The following BPIFA1 variants were observed in gnomAD, a reference collection of about 807,000 sequenced individuals.
BPIFA1 encodes BPI fold-containing family A member 1.
BPIFA1 carries 24 observed loss-of-function variants against 25.1 expected under a neutral mutation model. The ratio of observed to expected loss-of-function variants is 0.96; its 90% CI spans 0.69 to 1.35. The LOEUF is 1.35. Ranked by LOEUF, BPIFA1 falls within the 40% of genes most tolerant of loss-of-function variation. BPIFA1 has a pLI of 0.00. For missense variants in BPIFA1, 344 were observed against 303.7 expected, an observed-to-expected ratio of 1.13 and a Z score of -0.99; for synonymous variants, 139 against 131.8, an observed-to-expected ratio of 1.05 and a Z score of -0.37.
At chr20:33,240,601 T>G (rs963000314) in intron 5 of BPIFA1, among the ~76,000 whole-genome samples, 5 of 151,060 alleles carry the variant, frequency 3.3e-5, no homozygotes, top group Admixed American at 3.3e-4. Flanking sequence ...GATGGTTGGG[T>G]TGATGGAGAG....
chr20:33,237,581 G>A (rs374205440), intron 1 of BPIFA1, 116 bp from the exon 2 acceptor site: 3 of 765,918 alleles, frequency 3.9e-6, no homozygotes, highest in Non-Finnish European at 5.7e-6. Context: ...GCTATTACTA[G>A]TGACCCCCTG....
At chr20:33,240,052 T>C (rs1978884064) in intron 4 of BPIFA1, 142 bp downstream of exon 4, 1 of 1,322,702 alleles carries the variant, frequency 7.6e-7, no homozygotes, top group Non-Finnish European at 1.1e-6. Flanking sequence ...TAAGTGGCCT[T>C]GGGTCACTTG....
At position 33,238,067 on chromosome 20, in the gene BPIFA1, G is replaced by A. The variant is rs1273824728; in HGVS notation, c.173G>A (p.Gly58Asp). Residue 58 changes from glycine to aspartate, a missense_variant, in exon 3 of 9, where the codon GGC (glycine) becomes GAC (aspartate). Gly to Asp is a moderately conservative substitution (Grantham distance 94). Coordinates refer to ENST00000354297, the MANE Select transcript of BPIFA1 (RefSeq NM_130852.3). ...CACCCATTTCCAGCCCTCAGCAATG[G>A]CCTGCTGTCTGGGGGCCTGTTGGGC... ...AGSLTNALSNGLLSGGLLGIL... is the reference protein window; with the variant it reads ...AGSLTNALSNDLLSGGLLGIL... 1.2e-6 allele frequency: 2 copies of A among 1,613,456 alleles called. No homozygotes were observed. Among genetic ancestry groups the A allele is most frequent in the Non-Finnish European group, 1.7e-6 (2 of 1,179,766 alleles).
intron 2 of BPIFA1, 82 bp from the exon 3 acceptor site, chr20:33,237,973 G>C: frequency 6.5e-7 from 1 of 1,543,708 alleles, no homozygotes; most frequent in South Asian, 1.2e-5. Flanking sequence ...AAGTGGGGAG[G>C]GACAGGGCTG....
chr20:33,239,695 G>A, intron 3 of BPIFA1, 108 bp from the exon 4 acceptor site: 1 of 1,083,160 alleles, frequency 9.2e-7, no homozygotes, highest in Non-Finnish European at 1.4e-6. Context: ...TCCCTATCCT[G>A]GGTGGGAAGC....
At chr20:33,242,173 C>CTG in intron 7 of BPIFA1, 54 bp downstream of exon 7, 1 of 1,578,830 alleles carries the variant, frequency 6.3e-7, no homozygotes, top group South Asian at 1.1e-5. Flanking sequence ...AGCAACTTCC[C>CTG]CCAAGGAGTT....
Position 33,237,726 on chromosome 20 carries a change from G to C in BPIFA1, c.15G>C (p.Gly5=). The change falls in exon 2 of 9, where the codon GGG becomes GGC. Residue 5 remains glycine, a synonymous_variant. Coordinates refer to ENST00000354297, the MANE Select transcript of BPIFA1 (RefSeq NM_130852.3). MFQT[G]GLIVFYGLLA... ...TAAGAGCAAAGATGTTTCAAACTGG[G>C]GGCCTCATTGTCTTCTACGGGCTGT... 6.8e-7 allele frequency: 1 copy of C among 1,460,544 alleles called. No individual in the cohort carries two copies. The highest frequency in any genetic ancestry group is 9.1e-7 in the Non-Finnish European group (1 of 1,102,806). 90.5% of individuals were successfully genotyped at this position (1,460,544 alleles called of 1,614,324 possible).
Position 33,242,549 on chromosome 20 carries a change from C to T in BPIFA1, c.*22C>T. 1 of 1,613,062 alleles carries T rather than the reference C, an allele frequency of 6.2e-7. No homozygotes were observed. The highest frequency in any genetic ancestry group is 8.5e-7 in the Non-Finnish European group (1 of 1,179,024). On this transcript the variant is annotated 3_prime_UTR_variant, in exon 8 of 9. Coordinates refer to ENST00000354297, the MANE Select transcript of BPIFA1 (RefSeq NM_130852.3). ...CTAAGCCTTCCAGGAAGGGGCTGGC[C>T]TCTGCTGAGCTGGTAAGTGCCCTTC...
At position 33,241,370 on chromosome 20, in the gene BPIFA1, AC is replaced by A. The variant is rs1978969300; in HGVS notation, c.582-14del. The A allele has an allele frequency of 1.9e-6, 3 of 1,605,356 alleles. No homozygotes were observed. The highest frequency in any genetic ancestry group is 2.6e-6 in the Non-Finnish European group (3 of 1,172,036). On this transcript the variant is annotated splice_polypyrimidine_tract_variant and intron_variant, in intron 5 of 8. Coordinates refer to ENST00000354297, the MANE Select transcript of BPIFA1 (RefSeq NM_130852.3). Reference sequence around the variant, plus strand: ...TCTCCAGGTCCCTGCATCACCCATGACTTTTCTCTTTCAGACTTGGCCCCCT... The same window carrying A: ...TCTCCAGGTCCCTGCATCACCCATGATTTTCTCTTTCAGACTTGGCCCCCT...
intron 7 of BPIFA1, 92 bp downstream of exon 7, chr20:33,242,211 G>T: frequency 7.5e-7 from 1 of 1,329,316 alleles, no homozygotes. Flanking sequence ...AGGATACTAG[G>T]TCCCTCTGGC....
Position 33,237,733 on chromosome 20 carries a change from A to G in BPIFA1, c.22A>G (p.Ile8Val), listed in dbSNP as rs778752160. MFQTGGL[I>V]VFYGLLAQTM... The stretch of plus-strand genomic sequence containing the variant: ...AAAGATGTTTCAAACTGGGGGCCTC[A>G]TTGTCTTCTACGGGCTGTTAGCCCA... Residue 8 changes from isoleucine (I) to valine (V), a missense_variant, in exon 2 of 9, where the codon ATT (isoleucine) becomes GTT (valine). Coordinates refer to ENST00000354297, the MANE Select transcript of BPIFA1 (RefSeq NM_130852.3). 1.4e-6 allele frequency: 2 copies of G among 1,469,924 alleles called. No individual in the cohort carries two copies. Among genetic ancestry groups the G allele is most frequent in the Admixed American group, 2.4e-5 (1 of 41,252 alleles). 91.1% of individuals were successfully genotyped at this position (1,469,924 alleles called of 1,614,324 possible).
chr20:33,240,645 T>TGATAGATA (rs10677321), intron 5 of BPIFA1, among the ~76,000 whole-genome samples: 30,535 of 142,566 alleles, frequency 0.21, 3,482 homozygotes, highest in East Asian at 0.29. Context: ...GATAGATAGA[T>TGATAGATA]GATAGATAGA....
At chr20:33,237,673 T>C in intron 1 of BPIFA1, 24 bp from the exon 2 acceptor site, 1 of 1,409,942 alleles carries the variant, frequency 7.1e-7, no homozygotes, top group Non-Finnish European at 9.3e-7. Context: ...CCATGCCATG[T>C]TGGACTTGTC....
chr20:33,241,304 T>C, intron 5 of BPIFA1, 81 bp from the exon 6 acceptor site: 3 of 1,293,070 alleles, frequency 2.3e-6, no homozygotes, highest in African/African-American at 1.5e-5. Context: ...GTTGAGACTG[T>C]GGGGTTCACA....
intron 8 of BPIFA1, among the ~76,000 whole-genome samples, chr20:33,242,834 C>G (rs1266828162): frequency 1.3e-5 from 2 of 152,172 alleles, no homozygotes; most frequent in African/African-American, 2.4e-5. Context: ...CCAGCACACT[C>G]ACACACATGC....
chr20:33,242,706 A>G (rs1026667633), intron 8 of BPIFA1, 145 bp downstream of exon 8: 5 of 644,934 alleles, frequency 7.8e-6, no homozygotes, highest in Admixed American at 5.7e-5. Context: ...AGAGAAATCC[A>G]CAGAAAAGCT....
chr20:33,241,054 TG>T (rs1462043810), intron 5 of BPIFA1, among the ~76,000 whole-genome samples: 2 of 152,220 alleles, frequency 1.3e-5, no homozygotes, highest in Non-Finnish European at 2.9e-5. Context: ...ACACATACAT[TG>T]GGCTTCACAT....
At chr20:33,239,763 G>A (rs776271566) in intron 3 of BPIFA1, 40 bp from the exon 4 acceptor site, 8 of 1,558,620 alleles carry the variant, frequency 5.1e-6, no homozygotes, top group Non-Finnish European at 7.1e-6. Flanking sequence ...TGGAGCTAGA[G>A]GAGCTAATGT....
chr20:33,238,148 G>A lies in BPIFA1; in HGVS notation c.254G>A (p.Gly85Asp), dbSNP rs1200244236. ...CTGAAGCCTGGAGGAGGTACTTCTGGTGGCCTCCTTGGGGGACTGCTTGGA... is the reference window on the plus strand; with the variant it reads ...CTGAAGCCTGGAGGAGGTACTTCTGATGGCCTCCTTGGGGGACTGCTTGGA... Reference protein sequence around the residue: ...DILKPGGGTSGGLLGGLLGKV... With the variant: ...DILKPGGGTSDGLLGGLLGKV... Residue 85 changes from glycine (G) to aspartate (D), a missense_variant, in exon 3 of 9, where the codon GGT becomes GAT. Gly to Asp is a moderately conservative substitution (Grantham distance 94, BLOSUM62 -1). Coordinates refer to ENST00000354297, the MANE Select transcript of BPIFA1 (RefSeq NM_130852.3). The A allele has an allele frequency of 6.2e-7, 1 of 1,613,972 alleles. No homozygotes were observed. Among genetic ancestry groups the A allele is most frequent in the Non-Finnish European group, 8.5e-7 (1 of 1,179,946 alleles).
Sources: gnomAD v4.1 joint callset for allele counts (sites outside exome capture counted in the v4.1 genomes callset) on GRCh38, gnomAD v4.1.1 for gene constraint, MANE v1.5 for transcripts, NCBI Gene and HGNC (gene_info 2026-07-23, HGNC 2026-07-21) for gene names.